The following TCF12 variants were observed in gnomAD, a reference collection of about 807,000 sequenced individuals.
TCF12 encodes the protein DNA-binding protein HTF4.
In TCF12, 45 loss-of-function variants were observed where a neutral mutation model predicts 86.0. That is an observed-to-expected ratio of 0.52 (90% CI 0.41 to 0.67). The LOEUF (loss-of-function observed/expected upper bound fraction) is 0.67, where lower values mean the gene tolerates loss of function less well. Ranked by LOEUF, TCF12 falls within the 30% of genes least tolerant of loss-of-function variation. The probability of loss-of-function intolerance (pLI) is 0.00; values close to 1 mark genes in which losing one functional copy is unlikely to be tolerated. For synonymous variants in TCF12, 330 were observed against 299.6 expected (o/e 1.10, Z -1.05); for missense variants, 881 against 859.9 (o/e 1.02, Z -0.31).
intron 3 of TCF12, among the ~76,000 whole-genome samples, chr15:57,007,754 CCTT>C (rs200790310): frequency 0.16 from 22,683 of 138,200 alleles, 2,160 homozygotes; most frequent in South Asian, 0.21. Context: ...AAATATTTTT[CCTT>C]CTTTCTTTCT....
chr15:57,016,064 A>G (rs1252675597), intron 3 of TCF12, among the ~76,000 whole-genome samples: 1 of 152,156 alleles, frequency 6.6e-6, no homozygotes, highest in African/African-American at 2.4e-5. Context: ...AATTTCCTGG[A>G]GGGGCTGACT....
At chr15:57,223,944 A>C (rs541879135) in intron 8 of TCF12, among the ~76,000 whole-genome samples, 2 of 151,922 alleles carry the variant, frequency 1.3e-5, no homozygotes, top group South Asian at 4.2e-4. Context: ...AAATCTCTTA[A>C]TATAGAATGC....
At chr15:57,006,059 A>G (rs1349069272) in intron 3 of TCF12, among the ~76,000 whole-genome samples, 1 of 152,158 alleles carries the variant, frequency 6.6e-6, no homozygotes, top group African/African-American at 2.4e-5. Flanking sequence ...AGGGATGTCT[A>G]ATTTTTCTGT....
At chr15:57,265,877 C>T (rs2060840099) in intron 18 of TCF12, among the ~76,000 whole-genome samples, 2 of 152,056 alleles carry the variant, frequency 1.3e-5, no homozygotes, top group Non-Finnish European at 2.9e-5. Flanking sequence ...GCAGCCTTAC[C>T]ACAGCTACAT....
chr15:57,010,592 G>C (rs1403833071), intron 3 of TCF12, among the ~76,000 whole-genome samples: 1 of 152,084 alleles, frequency 6.6e-6, no homozygotes, highest in African/African-American at 2.4e-5. Flanking sequence ...TTTTGTAGGA[G>C]GTACTTTTTT....
chr15:57,215,673 C>T (rs548286580), intron 8 of TCF12, among the ~76,000 whole-genome samples: 3 of 152,026 alleles, frequency 2.0e-5, no homozygotes, highest in African/African-American at 4.8e-5. Context: ...CACTAACTGG[C>T]CTATGTTAAC....
intron 5 of TCF12, among the ~76,000 whole-genome samples, chr15:57,135,112 G>A (rs2052425390): frequency 6.6e-6 from 1 of 152,144 alleles, no homozygotes; most frequent in South Asian, 2.1e-4. Flanking sequence ...TAACTTGACA[G>A]GGATAATGGA....
intron 4 of TCF12, among the ~76,000 whole-genome samples, chr15:57,065,732 T>G (rs958284027): frequency 4.0e-5 from 6 of 151,642 alleles, no homozygotes; most frequent in Admixed American, 2.6e-4. Flanking sequence ...AAGTTTACCT[T>G]CAGACATGAA....
chr15:56,975,730 G>C (rs923203692), intron 3 of TCF12, among the ~76,000 whole-genome samples: 2 of 151,982 alleles, frequency 1.3e-5, no homozygotes, highest in Admixed American at 6.6e-5. Context: ...CCAATTACAA[G>C]TAATAATTTT....
Position 57,107,020 on chromosome 15 carries a change from A to G in TCF12, c.325+15129A>G, listed in dbSNP as rs1199038997. On this transcript the variant is annotated intron_variant, in intron 5 of 20. Transcript: ENST00000333725. ...GAAGACAGTTTGACAGATTCTTACA[A>G]AACAAAACATGCTCTTACCATGCAG... Among the ~76,000 whole-genome samples the G allele has an allele frequency of 4.6e-5, 7 of 152,224 alleles. No individual in the cohort carries two copies. In the East Asian group the frequency reaches 1.3e-3, roughly 29 times the overall value.
intron 16 of TCF12, 130 bp downstream of exon 16, chr15:57,253,598 T>C (rs1263073825): frequency 1.9e-5 from 20 of 1,061,886 alleles, no homozygotes; most frequent in Non-Finnish European, 2.6e-5. Context: ...TTTTCTTTAC[T>C]GTCTTTGGCA....
intron 12 of TCF12, among the ~76,000 whole-genome samples, chr15:57,240,538 A>G (rs901144304): frequency 6.6e-6 from 1 of 152,208 alleles, no homozygotes; most frequent in Non-Finnish European, 1.5e-5. Context: ...CATAAATGGT[A>G]TAATTATTTG....
At chr15:56,960,846 ATTAAT>A (rs1338541783) in intron 3 of TCF12, among the ~76,000 whole-genome samples, 2 of 152,068 alleles carry the variant, frequency 1.3e-5, no homozygotes, top group Non-Finnish European at 2.9e-5. Context: ...AGTTTAAAAA[ATTAAT>A]TTATTAGGCC....
chr15:56,995,703 T>G (rs1368087198), intron 3 of TCF12, among the ~76,000 whole-genome samples: 1 of 152,130 alleles, frequency 6.6e-6, no homozygotes, highest in African/African-American at 2.4e-5. Flanking sequence ...GTATAGTCTT[T>G]AGGGTTTTTT....
chr15:57,175,623 G>C (rs1298691144), intron 6 of TCF12, among the ~76,000 whole-genome samples: 1 of 152,106 alleles, frequency 6.6e-6, no homozygotes, highest in African/African-American at 2.4e-5. Context: ...CCTAATAGTA[G>C]CCTCAGTCTT....
chr15:57,086,705 T>TAAAAAAAAAAA (rs34069853), intron 4 of TCF12, among the ~76,000 whole-genome samples: 1 of 105,616 alleles, frequency 9.5e-6, no homozygotes, highest in South Asian at 3.5e-4. Flanking sequence ...TCCCTCCCTT[T>TAAAAAAAAAAA]AAAAAAAAAA....
intron 6 of TCF12, among the ~76,000 whole-genome samples, chr15:57,179,484 C>T (rs368729354): frequency 1.3e-5 from 2 of 152,018 alleles, no homozygotes; most frequent in East Asian, 1.9e-4. Context: ...GAGCCAAGAT[C>T]GTGCCATTGC....
In TCF12 at chr15:57,136,958, GTTTTTTTTTTTGT is replaced by G. The variant is rs1439822558; in HGVS notation, c.326-29432_326-29420del. Among the ~76,000 whole-genome samples the G allele has an allele frequency of 3.1e-3, 258 of 82,990 alleles. 37 individuals carry two copies. The highest frequency in any genetic ancestry group is 0.027 in the East Asian group (70 of 2,574). The allele number at this position is 82,990 out of a possible 152,430, so 54.4% of individuals were successfully genotyped here. A position where few individuals can be genotyped will look rare whatever the true frequency, so the allele number is the denominator to read the frequency against. ...TAGACAATAGCCACTGCTTCTGGCA[GTTTTTTTTTTTGT>G]TTTTTTTTTTTTTTTTTTTTTTTTT... On this transcript the variant is annotated intron_variant, in intron 5 of 20. Coordinates refer to ENST00000333725, the MANE Select transcript of TCF12 (RefSeq NM_207037.2).
chr15:57,100,979 C>G (rs1442561954), intron 5 of TCF12, among the ~76,000 whole-genome samples: 1 of 152,114 alleles, frequency 6.6e-6, no homozygotes, highest in Non-Finnish European at 1.5e-5. Flanking sequence ...GAATAAGCCT[C>G]ACATTTTATG....
Sources: allele counts gnomAD v4.1 joint callset (sites outside exome capture counted in the v4.1 genomes callset), GRCh38; gene constraint gnomAD v4.1.1; transcripts MANE v1.5; gene names NCBI Gene and HGNC (gene_info 2026-07-23, HGNC 2026-07-21).